The following DPP6 variants were observed in gnomAD, a reference collection of about 807,000 sequenced individuals.
DPP6 encodes A-type potassium channel modulatory protein DPP6.
A neutral mutation model predicts 122.6 loss-of-function variants in DPP6; 69 were observed. The ratio of observed to expected loss-of-function variants is 0.56; its 90% CI spans 0.46 to 0.69. The LOEUF (loss-of-function observed/expected upper bound fraction) is 0.69, where lower values mean the gene tolerates loss of function less well. Among genes scored for constraint, DPP6 ranks in the 30% least tolerant of loss-of-function variants. DPP6 has a pLI of 0.00. For missense variants in DPP6, 928 were observed against 1,116.9 expected (o/e 0.83, Z 2.41); for synonymous variants, 418 against 433.1 (o/e 0.97, Z 0.43).
In DPP6 at chr7:154,121,075, C is replaced by T. The variant is rs191053083; in HGVS notation, c.243+68012C>T. Among the ~76,000 whole-genome samples the T allele has an allele frequency of 3.4e-3, 522 of 152,294 alleles. 7 individuals carry two copies. The highest frequency in any genetic ancestry group is 0.012 in the African/African-American group (490 of 41,570). On this transcript the variant is annotated intron_variant, in intron 1 of 25. Coordinates refer to ENST00000377770, the MANE Select transcript of DPP6 (RefSeq NM_130797.4). ...CCTTTGCTCGACTCTCATGCCCTCT[C>T]TTGCTGCTCTGTGAAGGGGCGCCTT...
chr7:153,929,001 A>C lies in DPP6; in HGVS notation c.51+41267A>C, dbSNP rs556366187. Among the ~76,000 whole-genome samples, 314 of 152,238 alleles carry C rather than the reference A, an allele frequency of 2.1e-3. 6 individuals carry two copies. The highest frequency in any genetic ancestry group is 7.8e-4 in the East Asian group (4 of 5,150). On this transcript the variant is annotated intron_variant, in intron 1 of 25. Coordinates refer to the DPP6 transcript ENST00000404039. ...GTGGGAGAGGTCAGAGAGAGCGCGG[A>C]GGGCCAGACCCTGGCACCTTACAGC...
intron 1 of DPP6, among the ~76,000 whole-genome samples, chr7:154,079,681 G>T (rs2150526151): frequency 6.6e-6 from 1 of 152,148 alleles, no homozygotes; most frequent in East Asian, 1.9e-4. Context: ...AAATGAAATT[G>T]GGCTGGGGTT....
chr7:154,812,578 T>C (rs1042855483), intron 16 of DPP6, among the ~76,000 whole-genome samples: 1 of 152,170 alleles, frequency 6.6e-6, no homozygotes, highest in Admixed American at 6.5e-5. Context: ...CAGAGCTCTC[T>C]GGGGCCTCAT....
intron 1 of DPP6, among the ~76,000 whole-genome samples, chr7:154,225,670 G>A (rs1800553488): frequency 6.6e-6 from 1 of 152,150 alleles, no homozygotes; most frequent in African/African-American, 2.4e-5. Context: ...TAACACTTGT[G>A]TAGGGAATGT....
chr7:154,349,399 C>A (rs1810665992), intron 1 of DPP6, among the ~76,000 whole-genome samples: 1 of 152,188 alleles, frequency 6.6e-6, no homozygotes, highest in Non-Finnish European at 1.5e-5. Context: ...TTGTCTCGAA[C>A]TCCTGACCTC....
chr7:154,361,601 G>T (rs1423869304), intron 1 of DPP6, among the ~76,000 whole-genome samples: 1 of 71,190 alleles, frequency 1.4e-5, no homozygotes, highest in Admixed American at 1.9e-4. Context: ...ATAATTGCTA[G>T]CCAAAAAAAA....
Position 154,892,236 on chromosome 7 carries a change from C to T in DPP6, c.2452-98C>T, listed in dbSNP as rs181881941. On this transcript the variant is annotated intron_variant, in intron 25 of 25. Transcript: ENST00000377770. ...TCATCAACTACAATCCAGCCCCGGA[C>T]GGGGCCCAGGTTTCACTAAACTCCA... The T allele has an allele frequency of 1.0e-3, 1,520 of 1,525,556 alleles. 12 individuals carry two copies. In the African/African-American group the frequency reaches 0.016, roughly 16 times the overall value. 94.5% of individuals were successfully genotyped at this position (1,525,556 alleles called of 1,614,324 possible).
intron 16 of DPP6, among the ~76,000 whole-genome samples, chr7:154,834,416 C>G (rs982867553): frequency 1.3e-5 from 2 of 151,976 alleles, no homozygotes; most frequent in Non-Finnish European, 2.9e-5. Flanking sequence ...GCGGAGGTTG[C>G]AGTGAGCTGA....
chr7:154,718,087 T>C (rs565027877), intron 7 of DPP6, among the ~76,000 whole-genome samples: 27 of 152,362 alleles, frequency 1.8e-4, no homozygotes, highest in South Asian at 8.3e-4. Context: ...TTGCCCATTT[T>C]TTAATCAAAT....
At chr7:153,755,795 A>G in the DPP6 span, among the ~76,000 whole-genome samples, 1 of 152,036 alleles carries the variant, frequency 6.6e-6, no homozygotes, top group Admixed American at 6.5e-5. Context: ...AAGACTTTAT[A>G]TCTTTGTGAA....
intron 11 of DPP6, 26 bp downstream of exon 11, chr7:154,794,228 G>A: frequency 6.3e-7 from 1 of 1,582,502 alleles, no homozygotes; most frequent in Non-Finnish European, 8.6e-7. Context: ...GGGGTGGAGG[G>A]GAGACGGGTG....
Position 154,623,651 on chromosome 7 carries a change from A to ACGCG in DPP6, c.628-14168_628-14165dup, listed in dbSNP as rs1563025857. On this transcript the variant is annotated intron_variant, in intron 5 of 25. Coordinates refer to ENST00000377770, the MANE Select transcript of DPP6 (RefSeq NM_130797.4). Reference sequence around the variant, plus strand: ...CACATGCGTGCACACACGCGCACACACGCGCACACACACGCACACACACAC... The same window carrying ACGCG: ...CACATGCGTGCACACACGCGCACACACGCGCGCGCACACACACGCACACACACAC... 2.4e-3 allele frequency among the ~76,000 whole-genome samples: 352 copies of ACGCG among 144,776 alleles called. 3 individuals carry two copies. The highest frequency in any genetic ancestry group is 9.2e-3 in the South Asian group (43 of 4,670). The allele number at this position is 144,776 out of a possible 152,430, so 95.0% of individuals were successfully genotyped here. A position where few individuals can be genotyped will look rare whatever the true frequency, so the allele number is the denominator to read the frequency against.
intron 17 of DPP6, among the ~76,000 whole-genome samples, chr7:154,855,412 CG>C (rs1394237394): frequency 1.3e-5 from 2 of 152,202 alleles, no homozygotes; most frequent in Non-Finnish European, 2.9e-5. Context: ...TGAGAAGAAG[CG>C]GGATGGCCTT....
intron 1 of DPP6, among the ~76,000 whole-genome samples, chr7:153,946,515 A>G (rs976463935): frequency 6.6e-6 from 1 of 152,144 alleles, no homozygotes; most frequent in Non-Finnish European, 1.5e-5. Flanking sequence ...GATGGGTTTT[A>G]GACGGCTTCT....
At chr7:153,820,815 GA>G in the DPP6 span, among the ~76,000 whole-genome samples, 1 of 151,262 alleles carries the variant, frequency 6.6e-6, no homozygotes, top group South Asian at 2.1e-4. Flanking sequence ...AAATTGGTAA[GA>G]AAAGGAGAAA....
intron 8 of DPP6, among the ~76,000 whole-genome samples, chr7:154,748,444 C>T (rs1013973807): frequency 1.3e-5 from 2 of 152,264 alleles, no homozygotes; most frequent in Non-Finnish European, 2.9e-5. Flanking sequence ...CCACACTGTG[C>T]TCCTGGTGAG....
intron 1 of DPP6, among the ~76,000 whole-genome samples, chr7:154,321,639 G>T (rs903326402): frequency 1.3e-5 from 2 of 151,732 alleles, no homozygotes; most frequent in Non-Finnish European, 2.9e-5. Flanking sequence ...AAAAAAATTA[G>T]CCGGGCATAG....
In DPP6 at chr7:154,803,902, C is replaced by G; in HGVS notation, c.1446C>G (p.Ser482=). Residue 482 remains serine (S), a synonymous_variant, in exon 14 of 26, where the codon TCC becomes TCG. Coordinates refer to ENST00000377770, the MANE Select transcript of DPP6 (RefSeq NM_130797.4). ...SSNDNIQSIT[S]GDWDVTKILA... ...ACGACAACATCCAGTCCATCACCTC[C>G]GGGGACTGGGACGTGACCAAGATCC... The G allele has an allele frequency of 6.2e-7, 1 of 1,613,902 alleles. No homozygotes were observed. The highest frequency in any genetic ancestry group is 8.5e-7 in the Non-Finnish European group (1 of 1,179,820).
chr7:153,942,680 A>G (rs993740792), intron 1 of DPP6, among the ~76,000 whole-genome samples: 2 of 152,202 alleles, frequency 1.3e-5, no homozygotes, highest in Non-Finnish European at 2.9e-5. Flanking sequence ...CACTCTTGCC[A>G]GAGCGGGCTG....
Sources: allele counts gnomAD v4.1 joint callset (sites outside exome capture counted in the v4.1 genomes callset), GRCh38; gene constraint gnomAD v4.1.1; transcripts MANE v1.5; gene names NCBI Gene and HGNC (gene_info 2026-07-23, HGNC 2026-07-21).